The following HERC2 variants were observed in gnomAD, a reference collection of about 807,000 sequenced individuals.
HERC2 encodes E3 ubiquitin-protein ligase HERC2.
Under a neutral mutation model 537.7 loss-of-function variants are expected in HERC2, and 102 were observed. The observed-to-expected ratio is 0.19, with a 90% CI of 0.16 to 0.22. The LOEUF is 0.22. HERC2 is among the 10% of genes least tolerant of loss of function. HERC2 has a pLI of 1.00. For synonymous variants in HERC2, 2,224 were observed against 2,466.2 expected, an observed-to-expected ratio of 0.90 and a Z score of 2.91; for missense variants, 4,236 against 6,198.2, an observed-to-expected ratio of 0.68 and a Z score of 10.63.
chr15:28,259,683 A>G (rs2075364473), intron 16 of HERC2, among the ~76,000 whole-genome samples: 1 of 151,992 alleles, frequency 6.6e-6, no homozygotes, highest in South Asian at 2.1e-4. Flanking sequence ...GGCCAGGCAC[A>G]GTGGCTCACA....
intron 83 of HERC2, among the ~76,000 whole-genome samples, chr15:28,126,149 ATGT>A (rs1889458797): frequency 6.6e-6 from 1 of 152,190 alleles, no homozygotes; most frequent in African/African-American, 2.4e-5. Context: ...AAAAAAATAG[ATGT>A]TGGTATGGAT....
In HERC2 at chr15:28,202,372, A is replaced by G. The variant is rs760278444; in HGVS notation, c.7455T>C (p.Ala2485=). 3 of 1,613,756 alleles carry G rather than the reference A, an allele frequency of 1.9e-6. No individual in the cohort carries two copies. Among genetic ancestry groups the G allele is most frequent in the African/African-American group, 2.7e-5 (2 of 74,906 alleles). ...CAGGCAAGCTGGATGCATTCCCGGA[A>G]GCACCAGTGAGAGACTTCAGGGCAA... ...IEFALKSLTG[A]SGNASSLPGV... The change falls in exon 46 of 93, where the codon GCT becomes GCC. Residue 2485 remains alanine (A), a synonymous_variant. Transcript: ENST00000261609.
chr15:28,168,967 A>G (rs1450870832), intron 66 of HERC2, among the ~76,000 whole-genome samples: 1 of 152,238 alleles, frequency 6.6e-6, no homozygotes, highest in Non-Finnish European at 1.5e-5. Context: ...ACTGAGCAGC[A>G]ACGACTCAAT....
At position 28,180,533 on chromosome 15, in the gene HERC2, T is replaced by C. The variant is rs77273635; in HGVS notation, c.8938-1310A>G. 4.6e-5 allele frequency among the ~76,000 whole-genome samples: 7 copies of C among 152,258 alleles called. No individual in the cohort carries two copies. The East Asian group carries it at 1.4e-3, about 29-fold the overall frequency. On this transcript the variant is annotated intron_variant, in intron 57 of 92. Coordinates refer to ENST00000261609, the MANE Select transcript of HERC2 (RefSeq NM_004667.6). ...TGACTTTAAACCAGAGTTGGGGGAATGGGAGGATAAAGACAGAAAAACGTA... is the reference window on the plus strand; with the variant it reads ...TGACTTTAAACCAGAGTTGGGGGAACGGGAGGATAAAGACAGAAAAACGTA...
intron 39 of HERC2, 26 bp from the exon 40 acceptor site, chr15:28,214,828 A>C: frequency 6.3e-7 from 1 of 1,580,160 alleles, no homozygotes; most frequent in Non-Finnish European, 8.6e-7. Context: ...TTATAACGAC[A>C]AGCATTAAAA....
chr15:28,252,565 C>T (rs1596326397), intron 20 of HERC2, among the ~76,000 whole-genome samples: 1 of 152,146 alleles, frequency 6.6e-6, no homozygotes, highest in South Asian at 2.1e-4. Flanking sequence ...AAAGTAAACA[C>T]GGCTTTTATT....
At chr15:28,315,609 A>G in intron 2 of HERC2, 2 of 509,010 alleles carry the variant, frequency 3.9e-6, no homozygotes, top group Non-Finnish European at 7.7e-6. Context: ...CCTGGGCAAC[A>G]TGGTGAAACC....
chr15:28,149,951 A>G (rs1311202461), intron 70 of HERC2, among the ~76,000 whole-genome samples: 1 of 151,796 alleles, frequency 6.6e-6, no homozygotes, highest in African/African-American at 2.4e-5. Context: ...AAAATTACCA[A>G]AAAACACACA....
At chr15:28,115,779 A>G (rs1888165193) in intron 88 of HERC2, among the ~76,000 whole-genome samples, 1 of 152,200 alleles carries the variant, frequency 6.6e-6, no homozygotes, top group Non-Finnish European at 1.5e-5. Context: ...ACACTAGTTT[A>G]AGCCACACAG....
In HERC2 at chr15:28,213,857, A is replaced by C; in HGVS notation, c.6671T>G (p.Met2224Arg). ...DGRLRLGGQV[M>R]HDEFGEGTVT... ...AGTGCCTTCTCCAAACTCATCGTGCATAACTTGACCGCCCAGGCGCAGGCG... is the reference window on the plus strand; with the variant it reads ...AGTGCCTTCTCCAAACTCATCGTGCCTAACTTGACCGCCCAGGCGCAGGCG... The change falls in exon 42 of 93, where the codon ATG becomes AGG. Residue 2224 changes from methionine (M) to arginine (R), a missense_variant. By Grantham distance (91) the Met-to-Arg change is moderately conservative. This residue lies in a region of HERC2 where 365 missense variants were observed against 468.8 expected (regional missense o/e 0.78). Transcript: ENST00000261609. 6.2e-7 allele frequency: 1 copy of C among 1,614,052 alleles called. No individual in the cohort carries two copies. Among genetic ancestry groups the C allele is most frequent in the Non-Finnish European group, 8.5e-7 (1 of 1,179,936 alleles).
chr15:28,292,497 A>T (rs1408784355), intron 4 of HERC2, among the ~76,000 whole-genome samples: 1 of 152,130 alleles, frequency 6.6e-6, no homozygotes, highest in Non-Finnish European at 1.5e-5. Flanking sequence ...GCCACTGTGG[A>T]AAACAGTTTA....
intron 2 of HERC2, among the ~76,000 whole-genome samples, chr15:28,307,055 G>A (rs1413726031): frequency 1.3e-4 from 20 of 152,260 alleles, no homozygotes; most frequent in African/African-American, 2.4e-4. Flanking sequence ...GACTGGTCTC[G>A]AACTCCTGAC....
chr15:28,118,742 T>A (rs1219206031), intron 86 of HERC2, among the ~76,000 whole-genome samples: 1 of 152,252 alleles, frequency 6.6e-6, no homozygotes, highest in Non-Finnish European at 1.5e-5. Context: ...GGCTCCGTGC[T>A]GGTGTCCTGT....
chr15:28,248,479 T>C lies in HERC2; in HGVS notation c.3235+73A>G, dbSNP rs757676082. 7 of 1,127,502 alleles carry C rather than the reference T, an allele frequency of 6.2e-6. No individual in the cohort carries two copies. In the African/African-American group the frequency reaches 9.3e-5, roughly 15 times the overall value. 69.8% of individuals were successfully genotyped at this position (1,127,502 alleles called of 1,614,324 possible). A position where few individuals can be genotyped will look rare whatever the true frequency, so the allele number is the denominator to read the frequency against. Reference sequence around the variant, plus strand: ...CAACTACACATCTGGGCATATAGGATGGACACGTCGAAAAGCCTAAAGTAA... The same window carrying C: ...CAACTACACATCTGGGCATATAGGACGGACACGTCGAAAAGCCTAAAGTAA... On this transcript the variant is annotated intron_variant, in intron 21 of 92. Transcript: ENST00000261609.
At chr15:28,164,511 AGT>A (rs1893934447) in intron 68 of HERC2, among the ~76,000 whole-genome samples, 1 of 152,010 alleles carries the variant, frequency 6.6e-6, no homozygotes, top group Non-Finnish European at 1.5e-5. Context: ...GAATATCTTT[AGT>A]CTTGAGATTG....
rs770701507 is a variant in HERC2, at chr15:28,248,642, C to T, written c.3145G>A (p.Ala1049Thr). 6.2e-7 allele frequency: 1 copy of T among 1,613,796 alleles called. No individual in the cohort carries two copies. Among genetic ancestry groups the T allele is most frequent in the East Asian group, 2.2e-5 (1 of 44,894 alleles). The change falls in exon 21 of 93, where the codon GCT becomes ACT. Residue 1049 changes from alanine (A) to threonine (T), a missense_variant. Physicochemically the swap from Ala to Thr is moderately conservative, Grantham distance 58. Transcript: ENST00000261609. ...DFEQHSRERS[A>T]SLDLLLRFQR... ...AAACGCAGTAACAAATCCAATGAAG[C>T]AGATCTTTCACGACTGTGTTGCTCA...
At position 28,213,889 on chromosome 15, in the gene HERC2, G is replaced by C. The variant is rs138636407; in HGVS notation, c.6639C>G (p.Ile2213Met). ...LMAVLAVIGGIDGRLRLGGQV... is the reference protein window; with the variant it reads ...LMAVLAVIGGMDGRLRLGGQV... ...GACCGCCCAGGCGCAGGCGACCATCGATGCCTCCAATCACAGCCAGGACTG... is the reference window on the plus strand; with the variant it reads ...GACCGCCCAGGCGCAGGCGACCATCCATGCCTCCAATCACAGCCAGGACTG... Residue 2213 changes from isoleucine to methionine, a missense_variant, in exon 42 of 93, where the codon ATC (isoleucine) becomes ATG (methionine). Ile to Met is a conservative substitution (Grantham distance 10). This residue lies in a region of HERC2 where 365 missense variants were observed against 468.8 expected (regional missense o/e 0.78). Coordinates refer to ENST00000261609, the MANE Select transcript of HERC2 (RefSeq NM_004667.6). 1 of 1,613,952 alleles carries C rather than the reference G, an allele frequency of 6.2e-7. No individual in the cohort carries two copies. Among genetic ancestry groups the C allele is most frequent in the Non-Finnish European group, 8.5e-7 (1 of 1,179,984 alleles).
intron 3 of HERC2, among the ~76,000 whole-genome samples, chr15:28,294,564 C>T (rs1207544473): frequency 1.3e-5 from 2 of 150,238 alleles, no homozygotes; most frequent in Admixed American, 6.7e-5. Flanking sequence ...TCTGCTCTCA[C>T]GGATAAGATC....
At chr15:28,179,389 T>A (rs1219198095) in intron 57 of HERC2, among the ~76,000 whole-genome samples, 166 bp from the exon 58 acceptor site, 1 of 152,248 alleles carries the variant, frequency 6.6e-6, no homozygotes. Flanking sequence ...TAGATTATAA[T>A]GGAGCTGAAA....
Sources: gnomAD v4.1 joint callset for allele counts (sites outside exome capture counted in the v4.1 genomes callset) on GRCh38, gnomAD v4.1.1 for gene constraint, gnomAD v4.1.1 regional missense constraint, MANE v1.5 for transcripts, NCBI Gene and HGNC (gene_info 2026-07-23, HGNC 2026-07-21) for gene names.